REC114: variants seen among roughly 807,000 people sequenced by gnomAD.
REC114 encodes the protein meiotic recombination protein REC114.
In REC114, 27 loss-of-function variants were observed where a neutral mutation model predicts 31.3. The ratio of observed to expected loss-of-function variants is 0.86; its 90% CI spans 0.64 to 1.19. The LOEUF is 1.19. Among genes scored for constraint, REC114 ranks in the 50% most tolerant of loss-of-function variants. The pLI is 0.00. For synonymous variants in REC114, 134 were observed against 127.7 expected (o/e 1.05, Z -0.33); for missense variants, 344 against 326.9 (o/e 1.05, Z -0.40).
At chr15:73,486,922 G>A (rs916359336) in intron 2 of REC114, among the ~76,000 whole-genome samples, 4 of 152,046 alleles carry the variant, frequency 2.6e-5, no homozygotes, top group African/African-American at 9.7e-5. Context: ...TGTAATCCCA[G>A]GTACAGGAGA....
chr15:73,455,434 AC>A (rs1237359617), intron 1 of REC114, among the ~76,000 whole-genome samples: 1 of 152,110 alleles, frequency 6.6e-6, no homozygotes, highest in African/African-American at 2.4e-5. Flanking sequence ...TTCTCCTGGT[AC>A]TGTTCTCTAT....
intron 2 of REC114, among the ~76,000 whole-genome samples, chr15:73,535,428 G>C (rs954039616): frequency 6.6e-6 from 1 of 151,970 alleles, no homozygotes; most frequent in East Asian, 1.9e-4. Flanking sequence ...ATTCACAATT[G>C]CTTCAAAGAG....
At chr15:73,487,153 G>A (rs1893382241) in intron 2 of REC114, among the ~76,000 whole-genome samples, 1 of 152,132 alleles carries the variant, frequency 6.6e-6, no homozygotes, top group South Asian at 2.1e-4. Flanking sequence ...TGGCAATTAA[G>A]TTTCAACATA....
chr15:73,533,852 G>T (rs1251322888), intron 2 of REC114, among the ~76,000 whole-genome samples: 1 of 121,034 alleles, frequency 8.3e-6, no homozygotes, highest in East Asian at 2.3e-4. Flanking sequence ...AGACCACAGT[G>T]CAATCAAACT....
intron 1 of REC114, among the ~76,000 whole-genome samples, chr15:73,448,160 C>G (rs1293213475): frequency 6.6e-6 from 1 of 152,094 alleles, no homozygotes; most frequent in Non-Finnish European, 1.5e-5. Flanking sequence ...CTGTTCACTC[C>G]CCTGAAAAGG....
At chr15:73,523,469 G>C (rs1904913) in intron 2 of REC114, among the ~76,000 whole-genome samples, 2 of 152,222 alleles carry the variant, frequency 1.3e-5, no homozygotes, top group Admixed American at 6.5e-5. Context: ...GACTGGCCAA[G>C]ACTTAGCTAT....
intron 1 of REC114, among the ~76,000 whole-genome samples, chr15:73,465,316 A>T (rs1893042423): frequency 6.6e-6 from 1 of 152,214 alleles, no homozygotes; most frequent in South Asian, 2.1e-4. Context: ...AGTTCTTAAA[A>T]TGGATATTTT....
At position 73,527,289 on chromosome 15, in the gene REC114, C is replaced by G. The variant is rs976590282; in HGVS notation, c.250-13196C>G. 2.0e-5 allele frequency among the ~76,000 whole-genome samples: 3 copies of G among 152,296 alleles called. No individual in the cohort carries two copies. In the East Asian group the frequency reaches 5.8e-4, roughly 29 times the overall value. On this transcript the variant is annotated intron_variant, in intron 2 of 5. Coordinates refer to ENST00000331090, the MANE Select transcript of REC114 (RefSeq NM_001042367.2). Reference sequence around the variant, plus strand: ...CTCAGTCTTATGGTATTTCGTTCTGCATATGTACAGATAGCTATTCAGCCA... The same window carrying G: ...CTCAGTCTTATGGTATTTCGTTCTGGATATGTACAGATAGCTATTCAGCCA...
intron 2 of REC114, among the ~76,000 whole-genome samples, chr15:73,509,165 T>G (rs1380459899): frequency 6.6e-6 from 1 of 152,082 alleles, no homozygotes; most frequent in Non-Finnish European, 1.5e-5. Flanking sequence ...TATCTCAGAG[T>G]GGTTTTGATT....
At chr15:73,466,054 A>G (rs541222647) in intron 1 of REC114, among the ~76,000 whole-genome samples, 5 of 151,478 alleles carry the variant, frequency 3.3e-5, no homozygotes, top group African/African-American at 9.7e-5. Context: ...GGGTTTCACC[A>G]GTTGGTCAGG....
chr15:73,515,959 C>T (rs1291324198), intron 2 of REC114, among the ~76,000 whole-genome samples: 1 of 151,666 alleles, frequency 6.6e-6, no homozygotes, highest in East Asian at 1.9e-4. Context: ...TAACAAGGAA[C>T]TGAACATGAA....
chr15:73,505,085 TATC>T (rs1177583062), intron 2 of REC114, among the ~76,000 whole-genome samples: 1 of 152,110 alleles, frequency 6.6e-6, no homozygotes, highest in Non-Finnish European at 1.5e-5. Flanking sequence ...TGTTTCTGTT[TATC>T]TTCTTCACTA....
intron 2 of REC114, among the ~76,000 whole-genome samples, chr15:73,528,519 T>C (rs539358671): frequency 1.9e-4 from 29 of 152,194 alleles, no homozygotes; most frequent in African/African-American, 6.7e-4. Context: ...AAAAACAAAA[T>C]TTAGTGAGGG....
At chr15:73,532,095 T>C (rs950592906) in intron 2 of REC114, among the ~76,000 whole-genome samples, 4 of 151,572 alleles carry the variant, frequency 2.6e-5, no homozygotes, top group Non-Finnish European at 4.4e-5. Flanking sequence ...TAACTCGTCA[T>C]CTAGCATTAG....
intron 2 of REC114, among the ~76,000 whole-genome samples, chr15:73,478,263 CAAAAAAAA>C (rs57210193): frequency 1.5e-4 from 6 of 40,332 alleles, no homozygotes; most frequent in African/African-American, 5.0e-4. Context: ...GACTCTGTCT[CAAAAAAAA>C]AAAAAAAAAA....
At chr15:73,445,984 A>G (rs1396350106) in intron 1 of REC114, among the ~76,000 whole-genome samples, 1 of 152,246 alleles carries the variant, frequency 6.6e-6, no homozygotes, top group Non-Finnish European at 1.5e-5. Flanking sequence ...CAAACCTTCA[A>G]TGTGTAAAAA....
At chr15:73,456,747 AAAGAT>A (rs1159447216) in intron 1 of REC114, among the ~76,000 whole-genome samples, 1 of 152,194 alleles carries the variant, frequency 6.6e-6, no homozygotes, top group Non-Finnish European at 1.5e-5. Context: ...CCAGGAACAC[AAAGAT>A]AAGTTGAAAA....
At chr15:73,515,098 C>T (rs1057129558) in intron 2 of REC114, among the ~76,000 whole-genome samples, 2 of 151,976 alleles carry the variant, frequency 1.3e-5, no homozygotes, top group African/African-American at 4.8e-5. Context: ...CACCACAATG[C>T]CTGGCTAATG....
chr15:73,552,347 A>G (rs963676260), intron 4 of REC114, among the ~76,000 whole-genome samples: 2 of 152,242 alleles, frequency 1.3e-5, no homozygotes, highest in African/African-American at 2.4e-5. Flanking sequence ...AGCAGCAAAT[A>G]TAAGAATCTA....
Sources: allele counts gnomAD v4.1 joint callset (sites outside exome capture counted in the v4.1 genomes callset), GRCh38; gene constraint gnomAD v4.1.1; transcripts MANE v1.5; gene names NCBI Gene and HGNC (gene_info 2026-07-23, HGNC 2026-07-21).